The following ZNF395 variants were observed in gnomAD, a reference collection of about 807,000 sequenced individuals.
The protein encoded by ZNF395 is zinc finger protein 395.
In ZNF395, 20 loss-of-function variants were observed where a neutral mutation model predicts 57.7. The ratio of observed to expected loss-of-function variants is 0.35; its 90% confidence interval spans 0.24 to 0.50. The LOEUF is 0.50. ZNF395 is among the 20% of genes least tolerant of loss of function. The pLI is 0.97. For missense variants in ZNF395, 606 were observed against 671.2 expected, an observed-to-expected ratio of 0.90 and a Z score of 1.07; for synonymous variants, 295 against 275.9, an observed-to-expected ratio of 1.07 and a Z score of -0.69.
chr8:28,370,383 GC>G (rs541105337), intron 1 of ZNF395, among the ~76,000 whole-genome samples: 180 of 152,318 alleles, frequency 1.2e-3, no homozygotes, highest in Non-Finnish European at 1.8e-3. Context: ...CTAAGGAAGT[GC>G]CTTAAACGTA....
At chr8:28,367,592 C>T (rs1801926206) in intron 1 of ZNF395, among the ~76,000 whole-genome samples, 1 of 152,194 alleles carries the variant, frequency 6.6e-6, no homozygotes, top group African/African-American at 2.4e-5. Flanking sequence ...AAAAAATACA[C>T]TTCCCCTTCC....
chr8:28,349,181 A>G lies in ZNF395; in HGVS notation c.1374T>C (p.Pro458=), dbSNP rs190632628. Residue 458 remains proline, a synonymous_variant, in exon 9 of 10, where the codon CCT becomes CCC. Coordinates refer to ENST00000344423, the MANE Select transcript of ZNF395 (RefSeq NM_018660.3). ...TGACGATCAGATGAGATTTCATCGC[A>G]GGTGCTGGCTGCTGGGGCTCGCTGA... ...LSFSEPQQPA[P]AMKSHLIVTS... is the part of the protein sequence containing the mutation. The G allele has an allele frequency of 1.3e-6, 2 of 1,563,538 alleles. No individual in the cohort carries two copies. The highest frequency in any genetic ancestry group is 8.7e-7 in the Non-Finnish European group (1 of 1,155,184).
Position 28,359,816 on chromosome 8 carries a change from C to T in ZNF395, c.249G>A (p.Val83=). 6.2e-7 allele frequency: 1 copy of T among 1,613,266 alleles called. No individual in the cohort carries two copies. Among genetic ancestry groups the T allele is most frequent in the Non-Finnish European group, 8.5e-7 (1 of 1,179,466 alleles). The part of the protein sequence containing the change: ...VAFQPGQKVY[V]WYGGQECTGL... ...CTGTGCACTCTTGACCCCCGTACCA[C>T]ACATAAACCTGTGGGAAGAGGGACA... Residue 83 remains valine, a synonymous_variant, in exon 3 of 10, where the codon GTG becomes GTA. Coordinates refer to ENST00000344423, the MANE Select transcript of ZNF395 (RefSeq NM_018660.3). The surrounding 1 kb of genome is among the most constrained non-coding windows in gnomAD (Gnocchi z 4.7).
At chr8:28,379,107 TCTC>T (rs1451909557) in intron 1 of ZNF395, among the ~76,000 whole-genome samples, 1 of 152,190 alleles carries the variant, frequency 6.6e-6, no homozygotes, top group Non-Finnish European at 1.5e-5. Context: ...AAAATGAACG[TCTC>T]CTCCTTCCTA....
At chr8:28,349,717 C>G (rs1468863406) in intron 8 of ZNF395, among the ~76,000 whole-genome samples, 2 of 152,238 alleles carry the variant, frequency 1.3e-5, no homozygotes, top group Non-Finnish European at 1.5e-5. Context: ...ACATTCTCCC[C>G]CTTCCTCTCC....
At position 28,359,527 on chromosome 8, in the gene ZNF395, G is replaced by A; in HGVS notation, c.473+65C>T. On this transcript the variant is annotated intron_variant, in intron 3 of 9. Transcript: ENST00000344423. The surrounding 1 kb of genome is among the most constrained non-coding windows in gnomAD (Gnocchi z 4.7). The stretch of plus-strand genomic sequence containing the variant: ...CACATTTCTTCCCCACCACAACACA[G>A]CCCACACCCTTACACCACACTACCC... 1 of 1,518,100 alleles carries A rather than the reference G, an allele frequency of 6.6e-7. No homozygotes were observed. Among genetic ancestry groups the A allele is most frequent in the Non-Finnish European group, 8.8e-7 (1 of 1,131,284 alleles). 94.0% of individuals were successfully genotyped at this position (1,518,100 alleles called of 1,614,324 possible). A position where few individuals can be genotyped will look rare whatever the true frequency, so the allele number is the denominator to read the frequency against.
At position 28,359,852 on chromosome 8, in the gene ZNF395, G is replaced by A. The variant is rs373972264; in HGVS notation, c.241-28C>T. On this transcript the variant is annotated intron_variant, in intron 2 of 9. Transcript: ENST00000344423. The surrounding 1 kb of genome is among the most constrained non-coding windows in gnomAD (Gnocchi z 4.7). ...GTGGGAAGAGGGACAGCAGTTAGTG[G>A]TCAGCCCTGGATGGGTCTCGCCCTG... 1 of 1,607,396 alleles carries A rather than the reference G, an allele frequency of 6.2e-7. No homozygotes were observed. Among genetic ancestry groups the A allele is most frequent in the Non-Finnish European group, 8.5e-7 (1 of 1,175,306 alleles).
intron 1 of ZNF395, among the ~76,000 whole-genome samples, chr8:28,377,329 A>G (rs1436834766): frequency 6.6e-6 from 1 of 152,172 alleles, no homozygotes; most frequent in Non-Finnish European, 1.5e-5. Flanking sequence ...CCTCGAGCCC[A>G]GTGGGTCGAG....
chr8:28,350,199 G>A (rs1263933063), intron 7 of ZNF395, 43 bp from the exon 8 acceptor site: 4 of 1,527,726 alleles, frequency 2.6e-6, no homozygotes, highest in Non-Finnish European at 3.5e-6. Flanking sequence ...AGCTCAGGAA[G>A]TGTTCAGAGT....
In ZNF395 at chr8:28,348,595, A is replaced by T; in HGVS notation, c.*124T>A. 1 of 823,652 alleles carries T rather than the reference A, an allele frequency of 1.2e-6. No homozygotes were observed. The highest frequency in any genetic ancestry group is 2.1e-5 in the Admixed American group (1 of 48,732). 51.0% of individuals were successfully genotyped at this position (823,652 alleles called of 1,614,324 possible). A position where few individuals can be genotyped will look rare whatever the true frequency, so the allele number is the denominator to read the frequency against. On this transcript the variant is annotated 3_prime_UTR_variant, in exon 10 of 10. Coordinates refer to ENST00000344423, the MANE Select transcript of ZNF395 (RefSeq NM_018660.3). ...TGCTTTAAGTGTTACACCTTAGCCAACAGAGCCCAAACTCCGTGTTTCCGT... is the reference window on the plus strand; with the variant it reads ...TGCTTTAAGTGTTACACCTTAGCCATCAGAGCCCAAACTCCGTGTTTCCGT...
chr8:28,348,522 T>C lies in ZNF395; in HGVS notation c.*197A>G. On this transcript the variant is annotated 3_prime_UTR_variant, in exon 10 of 10. Transcript: ENST00000344423. ...TCCTATTTTAGGGGGAAAAATATTT[T>C]TGTTTCTTTTTTTTAAAAAATAAAA... The C allele has an allele frequency of 1.7e-6, 1 of 579,788 alleles. No individual in the cohort carries two copies. The highest frequency in any genetic ancestry group is 2.0e-5 in the South Asian group (1 of 50,212). The allele number at this position is 579,788 out of a possible 1,614,324, so 35.9% of individuals were successfully genotyped here. A position where few individuals can be genotyped will look rare whatever the true frequency, so the allele number is the denominator to read the frequency against.
At chr8:28,364,940 T>C (rs1250266010) in intron 1 of ZNF395, among the ~76,000 whole-genome samples, 6 of 152,176 alleles carry the variant, frequency 3.9e-5, no homozygotes, top group Admixed American at 2.0e-4. Context: ...CTGTTAATCA[T>C]TTAGCAGTTC....
intron 3 of ZNF395, among the ~76,000 whole-genome samples, chr8:28,358,460 G>C (rs1454364474): frequency 1.3e-5 from 2 of 152,060 alleles, no homozygotes; most frequent in African/African-American, 4.8e-5. Context: ...TTTTAGAGCA[G>C]AGTCTTGCTC....
intron 6 of ZNF395, 101 bp from the exon 7 acceptor site, chr8:28,351,908 G>T: frequency 7.2e-7 from 1 of 1,383,342 alleles, no homozygotes. Flanking sequence ...AGGCCACCCA[G>T]CAAGCCAGGG....
At position 28,372,795 on chromosome 8, in the gene ZNF395, G is replaced by A. The variant is rs533662086; in HGVS notation, c.-58-11613C>T. Among the ~76,000 whole-genome samples, 25 of 152,222 alleles carry A rather than the reference G, an allele frequency of 1.6e-4. No individual in the cohort carries two copies. The South Asian group carries it at 4.2e-3, about 25-fold the overall frequency. ...AGTGAGACCCTGTCTCAGGGCCGGC[G>A]GGGATAAAAAAAGATGACTTATGAG... is the stretch of plus-strand genomic sequence containing the variant. On this transcript the variant is annotated intron_variant, in intron 1 of 9. Transcript: ENST00000344423.
intron 1 of ZNF395, among the ~76,000 whole-genome samples, chr8:28,363,719 A>G: frequency 6.6e-6 from 1 of 152,250 alleles, no homozygotes; most frequent in Non-Finnish European, 1.5e-5. Context: ...AAGAAAGGGT[A>G]GTATTTCCCA....
intron 1 of ZNF395, among the ~76,000 whole-genome samples, chr8:28,367,839 T>C (rs1170834698): frequency 6.6e-6 from 1 of 152,142 alleles, no homozygotes; most frequent in African/African-American, 2.4e-5. Context: ...GAAAAACGTG[T>C]TATAAGAAAG....
At chr8:28,374,853 T>C (rs1245853003) in intron 1 of ZNF395, among the ~76,000 whole-genome samples, 2 of 152,168 alleles carry the variant, frequency 1.3e-5, no homozygotes, top group South Asian at 4.1e-4. Flanking sequence ...CCAATCACAC[T>C]TCCTCCATAC....
chr8:28,350,229 C>A, intron 7 of ZNF395, 73 bp from the exon 8 acceptor site: 1 of 1,272,326 alleles, frequency 7.9e-7, no homozygotes. Flanking sequence ...ATCCCCACAG[C>A]CTCATGACAG....
Sources: allele counts gnomAD v4.1 joint callset (sites outside exome capture counted in the v4.1 genomes callset), GRCh38; gene constraint gnomAD v4.1.1; non-coding constraint Gnocchi (gnomAD v3.1); transcripts MANE v1.5; gene names NCBI Gene and HGNC (gene_info 2026-07-23, HGNC 2026-07-21).